CDH2: variants seen among roughly 807,000 people sequenced by gnomAD.
CDH2 encodes cadherin-2.
CDH2 carries 17 observed loss-of-function variants against 92.0 expected under a neutral mutation model. The ratio of observed to expected loss-of-function variants is 0.18; its 90% CI spans 0.13 to 0.28. The LOEUF is 0.28. CDH2 is among the 10% of genes least tolerant of loss of function. The probability of loss-of-function intolerance (pLI) is 1.00; values close to 1 mark genes in which losing one functional copy is unlikely to be tolerated. For synonymous variants in CDH2, 419 were observed against 415.9 expected, an observed-to-expected ratio of 1.01 and a Z score of -0.09; for missense variants, 862 against 1,133.1, an observed-to-expected ratio of 0.76 and a Z score of 3.44.
At chr18:27,942,602 AAAAC>A (rs1177910643) in intron 6 of CDH2, among the ~76,000 whole-genome samples, 2 of 152,210 alleles carry the variant, frequency 1.3e-5, no homozygotes, top group African/African-American at 4.8e-5. Context: ...GTATATTAGA[AAAAC>A]AAATGTTTTT....
intron 6 of CDH2, among the ~76,000 whole-genome samples, chr18:27,934,858 C>A (rs1303401110): frequency 6.6e-6 from 1 of 152,076 alleles, no homozygotes; most frequent in Non-Finnish European, 1.5e-5. Context: ...TTGATGATAT[C>A]TTTCCTTTAT....
At chr18:28,093,098 T>C (rs1253380819) in intron 2 of CDH2, among the ~76,000 whole-genome samples, 1 of 152,088 alleles carries the variant, frequency 6.6e-6, no homozygotes, top group African/African-American at 2.4e-5. Flanking sequence ...GCATAAAAGA[T>C]TGAAACAATG....
intron 2 of CDH2, among the ~76,000 whole-genome samples, chr18:28,060,651 T>C (rs1347531780): frequency 1.3e-5 from 2 of 152,216 alleles, no homozygotes; most frequent in African/African-American, 4.8e-5. Context: ...TTGTTCCTCA[T>C]CTTCAATTAG....
At chr18:28,054,556 A>T (rs558514569) in intron 2 of CDH2, among the ~76,000 whole-genome samples, 1 of 152,304 alleles carries the variant, frequency 6.6e-6, no homozygotes, top group African/African-American at 2.4e-5. Flanking sequence ...TTCCAAACTA[A>T]AAAACTCTGT....
At chr18:27,959,714 CT>C (rs1432554784) in intron 15 of CDH2, among the ~76,000 whole-genome samples, 1 of 152,192 alleles carries the variant, frequency 6.6e-6, no homozygotes, top group Non-Finnish European at 1.5e-5. Context: ...TGACCATCAT[CT>C]CCTTAAAACT....
intron 2 of CDH2, among the ~76,000 whole-genome samples, chr18:28,080,276 C>T (rs886401063): frequency 1.3e-5 from 2 of 152,134 alleles, no homozygotes; most frequent in African/African-American, 2.4e-5. Context: ...CTGAAAACCA[C>T]GAATAACACC....
At chr18:28,063,994 G>C (rs1199511699) in intron 2 of CDH2, among the ~76,000 whole-genome samples, 1 of 152,160 alleles carries the variant, frequency 6.6e-6, no homozygotes, top group South Asian at 2.1e-4. Context: ...CACAGGAAAA[G>C]GTAATAGAAT....
At chr18:28,054,917 C>A (rs2014263004) in intron 2 of CDH2, among the ~76,000 whole-genome samples, 1 of 152,120 alleles carries the variant, frequency 6.6e-6, no homozygotes, top group Non-Finnish European at 1.5e-5. Flanking sequence ...TATTTCAAGA[C>A]CCTTCTGTAA....
At chr18:27,961,296 G>A (rs568718174) in intron 15 of CDH2, among the ~76,000 whole-genome samples, 48 of 151,376 alleles carry the variant, frequency 3.2e-4, no homozygotes, top group Admixed American at 7.9e-4. Flanking sequence ...ATAAAAACAT[G>A]AACAAGAAAT....
chr18:28,089,469 G>C (rs924665579), intron 2 of CDH2, among the ~76,000 whole-genome samples: 2 of 151,744 alleles, frequency 1.3e-5, no homozygotes, highest in Admixed American at 6.6e-5. Context: ...TTTTTAAAGG[G>C]TTATTATGCC....
chr18:28,090,945 T>C (rs949938765), intron 2 of CDH2, among the ~76,000 whole-genome samples: 4 of 152,304 alleles, frequency 2.6e-5, no homozygotes, highest in Admixed American at 6.5e-5. Flanking sequence ...CCAATAGTGG[T>C]TGAATCACAA....
chr18:28,146,774 T>C (rs1466757509), intron 2 of CDH2: 2 of 152,076 alleles, frequency 1.3e-5, no homozygotes, highest in Non-Finnish European at 2.9e-5. Flanking sequence ...AATTAATTAG[T>C]TGAGGTTACG....
At chr18:27,997,897 C>G (rs997172383) in intron 7 of CDH2, among the ~76,000 whole-genome samples, 3 of 152,042 alleles carry the variant, frequency 2.0e-5, no homozygotes, top group African/African-American at 7.2e-5. Context: ...AGCTCTGCCT[C>G]CCGGGTTCAC....
At chr18:27,978,935 T>C (rs1340836691) in intron 14 of CDH2, among the ~76,000 whole-genome samples, 1 of 152,108 alleles carries the variant, frequency 6.6e-6, no homozygotes, top group African/African-American at 2.4e-5. Flanking sequence ...GGATTATAGG[T>C]ATGAACCACT....
At chr18:27,933,829 A>G (rs561114321) in intron 6 of CDH2, among the ~76,000 whole-genome samples, 1 of 152,314 alleles carries the variant, frequency 6.6e-6, no homozygotes, top group South Asian at 2.1e-4. Context: ...TTGAAATTAT[A>G]CCTAACTAAG....
intron 2 of CDH2, among the ~76,000 whole-genome samples, chr18:28,102,242 T>C (rs1028958983): frequency 1.3e-5 from 2 of 152,190 alleles, no homozygotes; most frequent in Non-Finnish European, 2.9e-5. Context: ...GAAAAAATCT[T>C]ATTTTTTTTC....
At chr18:27,994,850 G>C (rs1315625580) in intron 7 of CDH2, among the ~76,000 whole-genome samples, 1 of 152,016 alleles carries the variant, frequency 6.6e-6, no homozygotes, top group Non-Finnish European at 1.5e-5. Context: ...GTCTCTGTCT[G>C]TCCACCCAAA....
At chr18:28,153,171 G>A (rs551394466) in intron 1 of CDH2, among the ~76,000 whole-genome samples, 3 of 152,112 alleles carry the variant, frequency 2.0e-5, no homozygotes, top group African/African-American at 7.2e-5. Flanking sequence ...GAAAGAGGGG[G>A]AAGTGGAAAA....
At chr18:27,953,162 G>T (rs531764181) in intron 15 of CDH2, among the ~76,000 whole-genome samples, 1 of 152,024 alleles carries the variant, frequency 6.6e-6, no homozygotes, top group East Asian at 1.9e-4. Context: ...ATCTGTACAC[G>T]GTATAAATAT....
Sources: allele counts gnomAD v4.1 joint callset (sites outside exome capture counted in the v4.1 genomes callset), GRCh38; gene constraint gnomAD v4.1.1; transcripts MANE v1.5; gene names NCBI Gene and HGNC (gene_info 2026-07-23, HGNC 2026-07-21).